Variants in SLF1 observed in about 807,000 individuals in gnomAD.
SLF1 encodes SMC5/6 complex localization factor 1, also known as SMC5-SMC6 complex localization factor protein 1.
Under a neutral mutation model 123.0 loss-of-function variants are expected in SLF1, and 105 were observed. The ratio of observed to expected loss-of-function variants is 0.85; its 90% confidence interval spans 0.73 to 1.00. The LOEUF is 1.00. Ranked by LOEUF, SLF1 falls within the 50% of genes least tolerant of loss-of-function variation. SLF1 has a pLI of 0.00. For synonymous variants in SLF1, 434 were observed against 406.6 expected (o/e 1.07, Z -0.81); for missense variants, 1,239 against 1,223.0 (o/e 1.01, Z -0.20).
chr5:94,630,146 C>T lies in SLF1; in HGVS notation c.191-357C>T, dbSNP rs568270026. Reference sequence around the variant, plus strand: ...GTGAATAATGATAGTAATAATAATTCCAGTAATACCACATTTTATTTTGGA... The same window carrying T: ...GTGAATAATGATAGTAATAATAATTTCAGTAATACCACATTTTATTTTGGA... On this transcript the variant is annotated intron_variant, in intron 3 of 20. Coordinates refer to ENST00000265140, the MANE Select transcript of SLF1 (RefSeq NM_032290.4). 4.1e-4 allele frequency among the ~76,000 whole-genome samples: 63 copies of T among 151,992 alleles called. No homozygotes were observed. In the South Asian group the frequency reaches 5.4e-3, roughly 13 times the overall value.
chr5:94,638,133 G>GT (rs1269799668), intron 4 of SLF1, among the ~76,000 whole-genome samples: 1 of 151,868 alleles, frequency 6.6e-6, no homozygotes, highest in African/African-American at 2.4e-5. Context: ...TTGTGCGCTG[G>GT]TTTTTGTGAG....
chr5:94,638,675 A>G (rs1287379575), intron 4 of SLF1, among the ~76,000 whole-genome samples: 1 of 152,200 alleles, frequency 6.6e-6, no homozygotes, highest in African/African-American at 2.4e-5. Context: ...GCACTATGCC[A>G]ACTTGGGTAA....
chr5:94,659,557 A>G (rs1748824351), intron 9 of SLF1, among the ~76,000 whole-genome samples: 1 of 152,206 alleles, frequency 6.6e-6, no homozygotes, highest in Admixed American at 6.5e-5. Flanking sequence ...ATGTGAGCAC[A>G]TTGGTGTAGT....
chr5:94,625,966 A>G (rs1018461559), intron 1 of SLF1, among the ~76,000 whole-genome samples: 3 of 152,038 alleles, frequency 2.0e-5, no homozygotes. Flanking sequence ...AAAAAATTGT[A>G]TGATTAGGTC....
chr5:94,639,036 CCT>C (rs1746141979), intron 4 of SLF1, among the ~76,000 whole-genome samples: 1 of 111,452 alleles, frequency 9.0e-6, no homozygotes, highest in African/African-American at 3.6e-5. Flanking sequence ...TCTTTTCTTC[CCT>C]TTTTTTTTTT....
intron 14 of SLF1, among the ~76,000 whole-genome samples, chr5:94,677,058 A>G (rs888782960): frequency 3.3e-5 from 5 of 152,154 alleles, no homozygotes; most frequent in African/African-American, 1.2e-4. Flanking sequence ...ACACTGAAAT[A>G]CACATAATTT....
At chr5:94,633,330 G>A (rs765370339) in intron 4 of SLF1, among the ~76,000 whole-genome samples, 3 of 152,130 alleles carry the variant, frequency 2.0e-5, no homozygotes, top group Non-Finnish European at 4.4e-5. Flanking sequence ...GTATTCTTGA[G>A]ATAAACTGTA....
chr5:94,623,938 A>G (rs1473038658), intron 1 of SLF1, among the ~76,000 whole-genome samples: 2 of 152,152 alleles, frequency 1.3e-5, no homozygotes. Flanking sequence ...AGATCCTGTA[A>G]TACAGGTCAT....
At position 94,688,590 on chromosome 5, in the gene SLF1, C is replaced by T. The variant is rs1258653246; in HGVS notation, c.2206C>T (p.Pro736Ser). The change falls in exon 17 of 21, where the codon CCT becomes TCT. Residue 736 changes from proline (P) to serine (S), a missense_variant. Pro to Ser is a moderately conservative substitution (Grantham distance 74, BLOSUM62 -1). Transcript: ENST00000265140. The part of the protein sequence containing the change: ...IQVSKKIGQR[P>S]CFDSQRTLLM... ...GGTGTCAAAGAAAATAGGACAGCGG[C>T]CTTGTTTTGACTCTCAGAGAACCTT... 1.9e-6 allele frequency: 3 copies of T among 1,613,898 alleles called. No homozygotes were observed. The highest frequency in any genetic ancestry group is 2.5e-6 in the Non-Finnish European group (3 of 1,179,974).
intron 9 of SLF1, among the ~76,000 whole-genome samples, chr5:94,661,065 T>G (rs1419775827): frequency 2.0e-5 from 3 of 152,170 alleles, no homozygotes; most frequent in African/African-American, 7.2e-5. Context: ...GGATGTAGTC[T>G]GGTAGTGTCT....
chr5:94,671,127 T>A, intron 14 of SLF1, 119 bp downstream of exon 14: 2 of 736,184 alleles, frequency 2.7e-6, no homozygotes, highest in Non-Finnish European at 4.1e-6. Context: ...TACCCAAATA[T>A]ATCATTGTTT....
chr5:94,638,775 G>T (rs1016240070), intron 4 of SLF1, among the ~76,000 whole-genome samples: 1 of 152,080 alleles, frequency 6.6e-6, no homozygotes. Context: ...GGTATCCCAG[G>T]CTTGATATTA....
At chr5:94,632,627 T>G (rs1455015011) in intron 4 of SLF1, among the ~76,000 whole-genome samples, 3 of 152,342 alleles carry the variant, frequency 2.0e-5, no homozygotes, top group Middle Eastern at 6.8e-3. Flanking sequence ...TCTTAAACTT[T>G]TTATCTGCAT....
At chr5:94,656,690 T>C (rs1257700469) in intron 9 of SLF1, among the ~76,000 whole-genome samples, 5 of 151,452 alleles carry the variant, frequency 3.3e-5, no homozygotes, top group Admixed American at 1.3e-4. Context: ...TTCTGTTTCT[T>C]TCTGATTCAG....
rs554829888 is a variant in SLF1 at position 94,628,657 on chromosome 5, A to G, written c.1-154A>G. Among the ~76,000 whole-genome samples the G allele has an allele frequency of 7.9e-5, 12 of 152,348 alleles. No individual in the cohort carries two copies. In the South Asian group the frequency reaches 2.5e-3, roughly 32 times the overall value. ...AACTAGTTTCTATCGTATATAAGTA[A>G]TTTTAATATTGTTTTAACAGCTGTG... is the stretch of plus-strand genomic sequence containing the variant. On this transcript the variant is annotated intron_variant, in intron 1 of 20. Transcript: ENST00000265140.
intron 4 of SLF1, among the ~76,000 whole-genome samples, chr5:94,638,962 A>G (rs1297231274): frequency 6.7e-6 from 1 of 150,284 alleles, no homozygotes; most frequent in Non-Finnish European, 1.5e-5. Context: ...GGACATTTAC[A>G]TTTAATTGTT....
intron 15 of SLF1, among the ~76,000 whole-genome samples, chr5:94,683,866 A>C (rs1376160483): frequency 6.6e-6 from 1 of 152,220 alleles, no homozygotes; most frequent in Non-Finnish European, 1.5e-5. Context: ...TCATTCATTC[A>C]TCTGTCAAAT....
In SLF1 at chr5:94,657,770, G is replaced by A. The variant is rs568776414; in HGVS notation, c.1155+3018G>A. Reference sequence around the variant, plus strand: ...ATTTAGAATTGTTATATCTTCTTGCGGAATTGATCTTTTTATCAGTATGTA... The same window carrying A: ...ATTTAGAATTGTTATATCTTCTTGCAGAATTGATCTTTTTATCAGTATGTA... On this transcript the variant is annotated intron_variant, in intron 9 of 20. Coordinates refer to ENST00000265140, the MANE Select transcript of SLF1 (RefSeq NM_032290.4). Among the ~76,000 whole-genome samples, 43 of 151,938 alleles carry A rather than the reference G, an allele frequency of 2.8e-4. No individual in the cohort carries two copies. The South Asian group carries it at 3.1e-3, about 11-fold the overall frequency.
chr5:94,683,213 A>G lies in SLF1; in HGVS notation c.1976-3360A>G, dbSNP rs992507731. Reference sequence around the variant, plus strand: ...AACCTTTATTCACTTTTGCTTTGTTATCCCTTAATTTCTTTCCATGCTTCA... The same window carrying G: ...AACCTTTATTCACTTTTGCTTTGTTGTCCCTTAATTTCTTTCCATGCTTCA... On this transcript the variant is annotated intron_variant, in intron 15 of 20. Transcript: ENST00000265140. Among the ~76,000 whole-genome samples the G allele has an allele frequency of 4.6e-5, 7 of 152,104 alleles. No homozygotes were observed. The East Asian group carries it at 1.4e-3, about 29-fold the overall frequency.
Sources: gnomAD v4.1 joint callset for allele counts (sites outside exome capture counted in the v4.1 genomes callset) on GRCh38, gnomAD v4.1.1 for gene constraint, MANE v1.5 for transcripts, NCBI Gene and HGNC (gene_info 2026-07-23, HGNC 2026-07-21) for gene names.